The following SMYD3 variants were observed in gnomAD, a reference collection of about 807,000 sequenced individuals.
SMYD3 encodes the protein SET and MYND domain containing 3.
Under a neutral mutation model 57.7 loss-of-function variants are expected in SMYD3, and 36 were observed. That is an observed-to-expected ratio of 0.62 (90% CI 0.48 to 0.82). The LOEUF (loss-of-function observed/expected upper bound fraction) is 0.82. Among genes scored for constraint, SMYD3 ranks in the 40% least tolerant of loss-of-function variants. The pLI is 0.00. For missense variants in SMYD3, 515 were observed against 538.8 expected (o/e 0.96, Z 0.44); for synonymous variants, 211 against 195.0 (o/e 1.08, Z -0.68).
chr1:246,141,187 T>A (rs1321698361), intron 5 of SMYD3, among the ~76,000 whole-genome samples: 1 of 152,124 alleles, frequency 6.6e-6, no homozygotes, highest in Non-Finnish European at 1.5e-5. Flanking sequence ...AGCTAATACA[T>A]AAGGGAGCAG....
intron 10 of SMYD3, among the ~76,000 whole-genome samples, chr1:245,788,264 A>G (rs932898938): frequency 6.6e-6 from 1 of 151,942 alleles, no homozygotes; most frequent in Non-Finnish European, 1.5e-5. Context: ...GGAACAGGGC[A>G]AGAAGAATGG....
chr1:245,800,149 T>C lies in SMYD3; in HGVS notation c.1077-36000A>G, dbSNP rs1572369923. ...CCTAGCTGTTGTGCAGGTTCTTGAG[T>C]GTGGTATTTTCCCTCCTGCTACCGG... On this transcript the variant is annotated intron_variant, in intron 10 of 11. Coordinates refer to ENST00000490107, the MANE Select transcript of SMYD3 (RefSeq NM_001167740.2). 2.0e-5 allele frequency among the ~76,000 whole-genome samples: 3 copies of C among 152,168 alleles called. No individual in the cohort carries two copies. In the Middle Eastern group the frequency reaches 0.01, roughly 518 times the overall value.
intron 1 of SMYD3, among the ~76,000 whole-genome samples, chr1:246,370,205 A>C (rs532614464): frequency 6.6e-6 from 1 of 152,326 alleles, no homozygotes; most frequent in Admixed American, 6.5e-5. Context: ...TCATCGCATA[A>C]CGTCCCGGGT....
intron 1 of SMYD3, among the ~76,000 whole-genome samples, chr1:246,400,842 C>T (rs6661340): frequency 0.058 from 8,761 of 152,038 alleles, 282 homozygotes; most frequent in Middle Eastern, 0.17. Flanking sequence ...AAAAAAACCA[C>T]TATGAATTAT....
At chr1:246,123,834 C>T (rs1490314584) in intron 5 of SMYD3, among the ~76,000 whole-genome samples, 2 of 151,960 alleles carry the variant, frequency 1.3e-5, no homozygotes, top group Non-Finnish European at 2.9e-5. Flanking sequence ...GAGAAATGCA[C>T]AATTTTACAT....
chr1:246,242,355 A>C (rs1172704634), intron 5 of SMYD3, among the ~76,000 whole-genome samples: 1 of 152,194 alleles, frequency 6.6e-6, no homozygotes, highest in Admixed American at 6.5e-5. Flanking sequence ...TGTACCCAGT[A>C]GTCATTCAGG....
At chr1:245,864,028 A>G (rs2051694114) in intron 8 of SMYD3, 142 bp from the exon 9 acceptor site, 1 of 691,720 alleles carries the variant, frequency 1.4e-6, no homozygotes, top group East Asian at 2.7e-5. Context: ...GAAATATATA[A>G]AGCAAAACCA....
intron 5 of SMYD3, among the ~76,000 whole-genome samples, chr1:246,289,029 C>A (rs538448786): frequency 6.6e-6 from 1 of 152,128 alleles, no homozygotes; most frequent in African/African-American, 2.4e-5. Context: ...GCAGGAGAAT[C>A]GCTTGAACCC....
chr1:246,284,331 G>T (rs970176230), intron 5 of SMYD3, among the ~76,000 whole-genome samples: 5 of 152,042 alleles, frequency 3.3e-5, no homozygotes, highest in African/African-American at 1.2e-4. Flanking sequence ...AACACTTCAG[G>T]GTTACCAGGT....
intron 5 of SMYD3, among the ~76,000 whole-genome samples, chr1:246,320,127 C>A (rs1455697201): frequency 1.3e-5 from 2 of 151,954 alleles, no homozygotes; most frequent in Admixed American, 1.3e-4. Flanking sequence ...CGTTTTAACA[C>A]CTTCACAGCT....
At chr1:246,242,544 G>A (rs910624610) in intron 5 of SMYD3, among the ~76,000 whole-genome samples, 1 of 152,068 alleles carries the variant, frequency 6.6e-6, no homozygotes, top group Non-Finnish European at 1.5e-5. Flanking sequence ...ATCAACTAAT[G>A]AGCAAAATAA....
intron 10 of SMYD3, among the ~76,000 whole-genome samples, chr1:245,837,470 C>T (rs904894719): frequency 2.6e-5 from 4 of 152,046 alleles, no homozygotes; most frequent in African/African-American, 9.7e-5. Flanking sequence ...GAACAAGCAG[C>T]AGGCAGCACC....
At chr1:246,255,314 CTTA>C (rs1333615549) in intron 5 of SMYD3, among the ~76,000 whole-genome samples, 46 of 141,724 alleles carry the variant, frequency 3.2e-4, no homozygotes, top group African/African-American at 1.1e-3. Context: ...TTTGATGGAT[CTTA>C]TTATAATAAT....
In SMYD3 at chr1:246,273,593, T is replaced by TTTTC. The variant is rs2064271666; in HGVS notation, c.531+53607_531+53608insGAAA. ...CACTAATCTTTTTTTTTTTTTTTTT[T>TTTTC]TTTTTTTAAAGACAGAGTGTTGGTC... On this transcript the variant is annotated intron_variant, in intron 5 of 11. Transcript: ENST00000490107. Among the ~76,000 whole-genome samples, 3 of 146,298 alleles carry TTTTC rather than the reference T, an allele frequency of 2.1e-5. No individual in the cohort carries two copies. In the South Asian group the frequency reaches 6.7e-4, roughly 32 times the overall value.
chr1:246,459,826 A>C (rs1468163964), intron 1 of SMYD3, among the ~76,000 whole-genome samples: 1 of 151,972 alleles, frequency 6.6e-6, no homozygotes, highest in Non-Finnish European at 1.5e-5. Context: ...CTGGAACCAA[A>C]ATGTAAAACA....
intron 9 of SMYD3, among the ~76,000 whole-genome samples, chr1:245,861,904 G>C (rs1315035066): frequency 1.3e-5 from 2 of 152,250 alleles, no homozygotes; most frequent in African/African-American, 2.4e-5. Context: ...TCAGGTGAAT[G>C]ATGACCAGCA....
intron 10 of SMYD3, among the ~76,000 whole-genome samples, chr1:245,834,952 C>T (rs1408705084): frequency 2.6e-5 from 4 of 152,060 alleles, no homozygotes; most frequent in African/African-American, 9.7e-5. Flanking sequence ...GGAACATGGG[C>T]CTTTTCCATT....
At chr1:245,844,526 C>T (rs12026480) in intron 10 of SMYD3, among the ~76,000 whole-genome samples, 33,957 of 151,876 alleles carry the variant, frequency 0.22, 4,999 homozygotes, top group African/African-American at 0.42. Flanking sequence ...GGAGTAAATG[C>T]GGTCTGAGGC....
At chr1:246,481,185 C>T (rs1010845536) in intron 1 of SMYD3, among the ~76,000 whole-genome samples, 11 of 152,050 alleles carry the variant, frequency 7.2e-5, no homozygotes, top group Non-Finnish European at 1.5e-4. Flanking sequence ...TTCCAAATAC[C>T]TTCAATATGC....
Sources: allele counts gnomAD v4.1 joint callset (sites outside exome capture counted in the v4.1 genomes callset), GRCh38; gene constraint gnomAD v4.1.1; transcripts MANE v1.5; gene names NCBI Gene and HGNC (gene_info 2026-07-23, HGNC 2026-07-21).